Variants in KIAA2012 observed in about 807,000 individuals in gnomAD.
The protein encoded by KIAA2012 is uncharacterized protein KIAA2012.
A neutral mutation model predicts 150.6 loss-of-function variants in KIAA2012; 125 were observed. That is an observed-to-expected ratio of 0.83 (90% CI 0.72 to 0.96). The LOEUF (loss-of-function observed/expected upper bound fraction) is 0.96. Among genes scored for constraint, KIAA2012 ranks in the 40% least tolerant of loss-of-function variants. The probability of loss-of-function intolerance (pLI) is 0.00; values close to 1 mark genes in which losing one functional copy is unlikely to be tolerated. For synonymous variants in KIAA2012, 462 were observed against 504.7 expected, an observed-to-expected ratio of 0.92 and a Z score of 1.13; for missense variants, 1,219 against 1,354.9, an observed-to-expected ratio of 0.90 and a Z score of 1.57.
At chr2:202,143,513 T>C (rs1444696440) in intron 13 of KIAA2012, among the ~76,000 whole-genome samples, 1 of 151,654 alleles carries the variant, frequency 6.6e-6, no homozygotes, top group Non-Finnish European at 1.5e-5. Context: ...TCATGCTAAC[T>C]TGAAATCGAG....
Position 202,196,976 on chromosome 2 carries a change from C to T in KIAA2012, c.3364C>T (p.Leu1122=), listed in dbSNP as rs1447292081. The T allele has an allele frequency of 1.9e-6, 3 of 1,550,636 alleles. No homozygotes were observed. The African/African-American group carries it at 4.1e-5, about 21-fold the overall frequency. The part of the protein sequence containing the change: ...RRQKEEEAAR[L]ALEEATKQAQ... ...GCAAAAAGAAGAGGAAGCAGCAAGA[C>T]TGGCTCTGGAAGAAGCCACGAAACA... Residue 1122 remains leucine (L), a synonymous_variant, in exon 22 of 24, where the codon CTG becomes TTG. Transcript: ENST00000498697.
At chr2:202,111,340 C>CAAAAAAAAAAAAA (rs67625607) in intron 10 of KIAA2012, among the ~76,000 whole-genome samples, 1 of 83,852 alleles carries the variant, frequency 1.2e-5, no homozygotes, top group Non-Finnish European at 2.2e-5. Flanking sequence ...ACTAAAAATA[C>CAAAAAAAAAAAAA]AAAAAAAAAA....
chr2:202,178,969 G>C (rs1692057043), intron 15 of KIAA2012: 1 of 281,180 alleles, frequency 3.6e-6, no homozygotes, highest in Admixed American at 5.0e-5. Context: ...GGAATAATGG[G>C]TGAACTTTTT....
chr2:202,157,461 G>A (rs1691553418), intron 14 of KIAA2012, among the ~76,000 whole-genome samples: 1 of 152,226 alleles, frequency 6.6e-6, no homozygotes, highest in Non-Finnish European at 1.5e-5. Flanking sequence ...CGTTGCAGGG[G>A]ATGAGGGTAG....
At chr2:202,185,151 A>T (rs1574312424) in intron 16 of KIAA2012, among the ~76,000 whole-genome samples, 1 of 152,306 alleles carries the variant, frequency 6.6e-6, no homozygotes, top group South Asian at 2.1e-4. Context: ...TAGAAAGCTG[A>T]AATCTATCAC....
chr2:202,195,708 G>A (rs906723036), intron 21 of KIAA2012, among the ~76,000 whole-genome samples: 8 of 151,968 alleles, frequency 5.3e-5, no homozygotes, highest in Non-Finnish European at 1.0e-4. Context: ...CCTGCCTCTA[G>A]TAACCACTAT....
intron 14 of KIAA2012, among the ~76,000 whole-genome samples, chr2:202,162,659 G>A (rs760238291): frequency 2.0e-5 from 3 of 149,360 alleles, no homozygotes; most frequent in South Asian, 2.1e-4. Flanking sequence ...TAGGCCAGGC[G>A]CAGTGGCTCA....
intron 11 of KIAA2012, among the ~76,000 whole-genome samples, chr2:202,120,801 G>C (rs567873296): frequency 6.6e-6 from 1 of 152,022 alleles, no homozygotes; most frequent in Admixed American, 6.6e-5. Flanking sequence ...AACACATTTG[G>C]TACTCCCAGA....
chr2:202,125,810 C>T (rs1690769443), intron 12 of KIAA2012: 2 of 445,144 alleles, frequency 4.5e-6, no homozygotes, highest in African/African-American at 2.0e-5. Flanking sequence ...GACTTTGTAG[C>T]TCATCCTCCA....
At chr2:202,122,383 G>C (rs190858226) in intron 11 of KIAA2012, among the ~76,000 whole-genome samples, 1 of 152,300 alleles carries the variant, frequency 6.6e-6, no homozygotes, top group African/African-American at 2.4e-5. Context: ...CTGACTGGAC[G>C]TGAGCATCTC....
At chr2:202,165,381 A>G in intron 15 of KIAA2012, 25 bp downstream of exon 15, 1 of 1,543,318 alleles carries the variant, frequency 6.5e-7, no homozygotes, top group South Asian at 1.2e-5. Flanking sequence ...GTGGGGCTTT[A>G]TAATCTTATA....
intron 19 of KIAA2012, among the ~76,000 whole-genome samples, chr2:202,191,927 T>C (rs1271830063): frequency 6.6e-6 from 1 of 152,230 alleles, no homozygotes; most frequent in African/African-American, 2.4e-5. Flanking sequence ...CATTGAGTGG[T>C]AGAGCCAAGA....
Position 202,193,519 on chromosome 2 carries a change from CAA to C in KIAA2012, c.3014+18_3014+19del, listed in dbSNP as rs1230837029. 6.5e-7 allele frequency: 1 copy of C among 1,549,406 alleles called. No homozygotes were observed. Among genetic ancestry groups the C allele is most frequent in the Non-Finnish European group, 8.7e-7 (1 of 1,146,714 alleles). The stretch of plus-strand genomic sequence containing the variant: ...AAGAGATCCGGTAGGTTGGGCAAGC[CAA>C]AGAGACTACAGCCATGTTAGGAAGC... On this transcript the variant is annotated intron_variant, in intron 20 of 23. Coordinates refer to ENST00000498697, the MANE Select transcript of KIAA2012 (RefSeq NM_001277372.4).
intron 17 of KIAA2012, among the ~76,000 whole-genome samples, chr2:202,187,594 A>C (rs1692255531): frequency 6.6e-6 from 1 of 152,194 alleles, no homozygotes. Context: ...GGCGTGAGCC[A>C]CTGCACCTGG....
chr2:202,182,109 T>C (rs1233572103), intron 15 of KIAA2012, among the ~76,000 whole-genome samples: 1 of 126,706 alleles, frequency 7.9e-6, no homozygotes, highest in Non-Finnish European at 1.6e-5. Context: ...TTCTTTATTC[T>C]TTTTTTTTTT....
chr2:202,200,024 C>A (rs141434313), intron 22 of KIAA2012, among the ~76,000 whole-genome samples: 15,021 of 150,056 alleles, frequency 0.1, 973 homozygotes, highest in Non-Finnish European at 0.13. Flanking sequence ...TCTGCCTCCC[C>A]GGTTCAAGCG....
chr2:202,106,104 A>G (rs1297335417), intron 9 of KIAA2012, 194 bp downstream of exon 9: 1 of 1,456,544 alleles, frequency 6.9e-7, no homozygotes, highest in East Asian at 2.5e-5. Flanking sequence ...AACAGTGTCC[A>G]GCTCACCAGT....
At chr2:202,178,436 C>T (rs1038028360) in intron 15 of KIAA2012, among the ~76,000 whole-genome samples, 1 of 152,096 alleles carries the variant, frequency 6.6e-6, no homozygotes, top group East Asian at 1.9e-4. Context: ...AAAAATCACC[C>T]TTCTATGGCC....
chr2:202,200,329 G>A (rs1403967027), intron 22 of KIAA2012, among the ~76,000 whole-genome samples: 2 of 152,106 alleles, frequency 1.3e-5, no homozygotes, highest in East Asian at 3.9e-4. Flanking sequence ...ACAAATTTGG[G>A]TTAGGTTCAT....
Sources: allele counts gnomAD v4.1 joint callset (sites outside exome capture counted in the v4.1 genomes callset), GRCh38; gene constraint gnomAD v4.1.1; transcripts MANE v1.5; gene names NCBI Gene and HGNC (gene_info 2026-07-23, HGNC 2026-07-21).